IL20RB: variants seen among roughly 807,000 people sequenced by gnomAD.
IL20RB encodes interleukin-20 receptor subunit beta.
A neutral mutation model predicts 33.3 loss-of-function variants in IL20RB; 21 were observed. The observed-to-expected ratio is 0.63, with a 90% CI of 0.45 to 0.91. The LOEUF (loss-of-function observed/expected upper bound fraction) is 0.91, where lower values mean the gene tolerates loss of function less well. Among genes scored for constraint, IL20RB ranks in the 40% least tolerant of loss-of-function variants. IL20RB has a pLI of 0.00. For synonymous variants in IL20RB, 147 were observed against 146.8 expected, an observed-to-expected ratio of 1.00 and a Z score of -0.01; for missense variants, 345 against 384.8, an observed-to-expected ratio of 0.90 and a Z score of 0.86.
intron 1 of IL20RB, among the ~76,000 whole-genome samples, chr3:136,978,402 C>T (rs1941681754): frequency 6.6e-6 from 1 of 151,952 alleles, no homozygotes; most frequent in Non-Finnish European, 1.5e-5. Context: ...CTGACCTCAG[C>T]TGATCCGCCT....
chr3:136,983,501 G>C (rs1314061017), intron 3 of IL20RB, among the ~76,000 whole-genome samples: 1 of 152,194 alleles, frequency 6.6e-6, no homozygotes, highest in East Asian at 1.9e-4. Flanking sequence ...TACTCCTACT[G>C]ATCCCAAGAG....
At chr3:137,002,996 A>C (rs1013999573) in intron 6 of IL20RB, among the ~76,000 whole-genome samples, 1 of 152,184 alleles carries the variant, frequency 6.6e-6, no homozygotes, top group African/African-American at 2.4e-5. Flanking sequence ...ATGGCTAGCC[A>C]ATTTTCCCAG....
intron 6 of IL20RB, 83 bp from the exon 7 acceptor site, chr3:137,010,030 A>C (rs987379499): frequency 5.5e-6 from 4 of 724,718 alleles, no homozygotes; most frequent in Admixed American, 2.3e-5. Context: ...TTAATTAATC[A>C]AATAGTTAAA....
intron 6 of IL20RB, among the ~76,000 whole-genome samples, chr3:137,002,371 A>G (rs1021741527): frequency 2.0e-5 from 3 of 152,188 alleles, no homozygotes; most frequent in Non-Finnish European, 4.4e-5. Flanking sequence ...CAATGGTTGA[A>G]CTAATTTACA....
intron 1 of IL20RB, among the ~76,000 whole-genome samples, chr3:136,974,375 T>G (rs1941565135): frequency 6.6e-6 from 1 of 152,228 alleles, no homozygotes; most frequent in Non-Finnish European, 1.5e-5. Context: ...AAAGACTATT[T>G]CACTTTGATT....
intron 6 of IL20RB, among the ~76,000 whole-genome samples, chr3:137,001,917 C>T (rs1040274806): frequency 6.6e-6 from 1 of 152,090 alleles, no homozygotes; most frequent in Non-Finnish European, 1.5e-5. Flanking sequence ...CTAATGCTAT[C>T]CCTCCCCCAA....
chr3:137,007,103 T>TAGAACAGCAAATATTGC (rs1300115269), intron 6 of IL20RB, among the ~76,000 whole-genome samples: 3 of 152,196 alleles, frequency 2.0e-5, no homozygotes, highest in Admixed American at 2.0e-4. Flanking sequence ...GTGGGGGCTG[T>TAGAACAGCAAATATTGC]AGAACAGCAA....
In IL20RB at chr3:137,010,384, G is replaced by A; in HGVS notation, c.*161G>A. ...TAGAAGCAACCATCAGAGGCAGGGTGGTTTGTCTAACAGAACACTGACTGA... is the reference window on the plus strand; with the variant it reads ...TAGAAGCAACCATCAGAGGCAGGGTAGTTTGTCTAACAGAACACTGACTGA... On this transcript the variant is annotated 3_prime_UTR_variant, in exon 7 of 7. Coordinates refer to ENST00000329582, the MANE Select transcript of IL20RB (RefSeq NM_144717.4). 1.7e-6 allele frequency: 1 copy of A among 576,398 alleles called. No homozygotes were observed. The highest frequency in any genetic ancestry group is 3.2e-6 in the Non-Finnish European group (1 of 316,148). The allele number at this position is 576,398 out of a possible 1,614,324, so 35.7% of individuals were successfully genotyped here.
chr3:136,992,041 T>C lies in IL20RB; in HGVS notation c.635T>C (p.Ile212Thr), dbSNP rs748580001. Residue 212 changes from isoleucine to threonine, a missense_variant, in exon 5 of 7, where the codon ATT becomes ACT. Coordinates refer to ENST00000329582, the MANE Select transcript of IL20RB (RefSeq NM_144717.4). ...AAGGCCCAGACATTCGTGAAGGCCATTGGGAGGTACAGCGCCTTCAGCCAG... is the reference window on the plus strand; with the variant it reads ...AAGGCCCAGACATTCGTGAAGGCCACTGGGAGGTACAGCGCCTTCAGCCAG... ...CVKAQTFVKA[I>T]GRYSAFSQTE... is the part of the protein sequence containing the mutation. 2.5e-6 allele frequency: 4 copies of C among 1,614,152 alleles called. No individual in the cohort carries two copies. Among genetic ancestry groups the C allele is most frequent in the South Asian group, 1.1e-5 (1 of 91,074 alleles).
chr3:136,961,372 C>T (rs1941212483), intron 1 of IL20RB, among the ~76,000 whole-genome samples: 1 of 151,878 alleles, frequency 6.6e-6, no homozygotes. Context: ...GGTTCCCAAC[C>T]TCAAATGCAC....
intron 4 of IL20RB, 80 bp downstream of exon 4, chr3:136,989,645 C>A: frequency 6.5e-7 from 1 of 1,530,692 alleles, no homozygotes; most frequent in Non-Finnish European, 9.0e-7. Context: ...GGGAAGGCTG[C>A]CCCTGCTCAC....
chr3:137,004,233 T>G (rs1336067428), intron 6 of IL20RB, among the ~76,000 whole-genome samples: 1 of 152,166 alleles, frequency 6.6e-6, no homozygotes, highest in Non-Finnish European at 1.5e-5. Flanking sequence ...CTTTTTTGTG[T>G]GTATGTCTCT....
intron 6 of IL20RB, among the ~76,000 whole-genome samples, chr3:137,008,333 A>T (rs1932991421): frequency 6.6e-6 from 1 of 152,144 alleles, no homozygotes; most frequent in African/African-American, 2.4e-5. Context: ...CTCAATAGGG[A>T]GGGGGATGGG....
intron 1 of IL20RB, among the ~76,000 whole-genome samples, chr3:136,963,224 C>T (rs1407802311): frequency 6.6e-6 from 1 of 152,138 alleles, no homozygotes; most frequent in East Asian, 1.9e-4. Context: ...TGAAGGACAT[C>T]TGGGCCGATT....
intron 6 of IL20RB, among the ~76,000 whole-genome samples, chr3:136,995,852 G>T (rs1329429436): frequency 2.0e-5 from 3 of 152,140 alleles, no homozygotes; most frequent in Non-Finnish European, 4.4e-5. Flanking sequence ...AGCATTGCAG[G>T]AGTCACTCAT....
chr3:137,008,035 C>T (rs1577036996), intron 6 of IL20RB, among the ~76,000 whole-genome samples: 1 of 152,198 alleles, frequency 6.6e-6, no homozygotes, highest in Non-Finnish European at 1.5e-5. Flanking sequence ...CTTTGTCTTG[C>T]ACCTGTATTT....
intron 5 of IL20RB, among the ~76,000 whole-genome samples, chr3:136,993,971 C>T (rs1942080277): frequency 6.6e-6 from 1 of 151,612 alleles, no homozygotes; most frequent in Non-Finnish European, 1.5e-5. Flanking sequence ...CGAGATTGCG[C>T]CACTGCACTC....
At chr3:136,980,674 G>C in intron 2 of IL20RB, 82 bp downstream of exon 2, 1 of 1,505,250 alleles carries the variant, frequency 6.6e-7, no homozygotes, top group Non-Finnish European at 9.2e-7. Context: ...TGAGCCCAAG[G>C]TGGCTTTTTG....
intron 5 of IL20RB, among the ~76,000 whole-genome samples, chr3:136,994,010 C>A (rs867232924): frequency 1.8e-4 from 25 of 141,796 alleles, no homozygotes; most frequent in South Asian, 2.3e-4. Context: ...AAGACTGTCT[C>A]AAAAAAAAAA....
Sources: gnomAD v4.1 joint callset for allele counts (sites outside exome capture counted in the v4.1 genomes callset) on GRCh38, gnomAD v4.1.1 for gene constraint, MANE v1.5 for transcripts, NCBI Gene and HGNC (gene_info 2026-07-23, HGNC 2026-07-21) for gene names.